The following DNAJC18 variants were observed in gnomAD, a reference collection of about 807,000 sequenced individuals.
DNAJC18 encodes dnaJ homolog subfamily C member 18.
Under a neutral mutation model 48.6 loss-of-function variants are expected in DNAJC18, and 40 were observed. That is an observed-to-expected ratio of 0.82 (90% CI 0.64 to 1.07). The LOEUF is 1.07. Among genes scored for constraint, DNAJC18 ranks in the 50% least tolerant of loss-of-function variants. The pLI, the probability that DNAJC18 is intolerant of heterozygous loss-of-function variation, is 0.00. For synonymous variants in DNAJC18, 135 were observed against 152.2 expected (o/e 0.89, Z 0.83); for missense variants, 340 against 427.7 (o/e 0.79, Z 1.81).
intron 2 of DNAJC18, among the ~76,000 whole-genome samples, chr5:139,436,419 G>A (rs529637203): frequency 3.3e-5 from 5 of 150,252 alleles, no homozygotes; most frequent in Admixed American, 6.6e-5. Context: ...TCAGTAATTT[G>A]TGTCTTTCTA....
intron 7 of DNAJC18, among the ~76,000 whole-genome samples, chr5:139,416,013 T>C (rs1759064327): frequency 6.6e-6 from 1 of 152,090 alleles, no homozygotes; most frequent in Non-Finnish European, 1.5e-5. Context: ...TTTCATAAAG[T>C]TCACTGAAAC....
chr5:139,423,174 T>C (rs967187721), intron 5 of DNAJC18, among the ~76,000 whole-genome samples: 3 of 152,112 alleles, frequency 2.0e-5, no homozygotes, highest in Admixed American at 2.0e-4. Flanking sequence ...GAAAATAAGA[T>C]AGTTGCTCCA....
At chr5:139,415,977 T>C (rs1451440254) in intron 7 of DNAJC18, among the ~76,000 whole-genome samples, 1 of 152,206 alleles carries the variant, frequency 6.6e-6, no homozygotes, top group African/African-American at 2.4e-5. Context: ...GAAAGATAAC[T>C]GCTTTTCTCA....
intron 1 of DNAJC18, among the ~76,000 whole-genome samples, chr5:139,438,606 C>T (rs894845421): frequency 2.6e-5 from 4 of 152,174 alleles, no homozygotes; most frequent in Non-Finnish European, 5.9e-5. Context: ...TTAACAACAT[C>T]TTTCTTCCGC....
chr5:139,436,657 T>C (rs1034866518), intron 2 of DNAJC18, among the ~76,000 whole-genome samples: 4 of 151,464 alleles, frequency 2.6e-5, no homozygotes, highest in Non-Finnish European at 5.9e-5. Flanking sequence ...GTTGGTGCCA[T>C]CATACCAAGC....
At chr5:139,431,059 AG>A (rs1759323287) in intron 2 of DNAJC18, among the ~76,000 whole-genome samples, 1 of 152,144 alleles carries the variant, frequency 6.6e-6, no homozygotes, top group Non-Finnish European at 1.5e-5. Flanking sequence ...ACTCTAATGC[AG>A]GGTCTGGGCT....
In DNAJC18 at chr5:139,439,109, G is replaced by C. The variant is rs1750739552; in HGVS notation, c.40+297C>G. Among the ~76,000 whole-genome samples, 1 of 152,140 alleles carries C rather than the reference G, an allele frequency of 6.6e-6. No individual in the cohort carries two copies. The highest frequency in any genetic ancestry group is 1.5e-5 in the Non-Finnish European group (1 of 68,018). On this transcript the variant is annotated intron_variant, in intron 1 of 7. Transcript: ENST00000302060. This position sits in a 1 kb window ranked among gnomAD's most constrained non-coding sequence, Gnocchi z 4.1. Reference sequence around the variant, plus strand: ...CTGCGGAGAGACCGCAGCACCCCACGGGCCCTCCAGTCACCTTGGCATGGG... The same window carrying C: ...CTGCGGAGAGACCGCAGCACCCCACCGGCCCTCCAGTCACCTTGGCATGGG...
At chr5:139,420,387 AG>A in intron 6 of DNAJC18, 162 bp from the exon 7 acceptor site, 1 of 656,468 alleles carries the variant, frequency 1.5e-6, no homozygotes, top group South Asian at 2.4e-5. Flanking sequence ...CAAAGTTGTA[AG>A]TATAACATCA....
At chr5:139,423,435 G>T (rs922672688) in intron 5 of DNAJC18, among the ~76,000 whole-genome samples, 4 of 150,590 alleles carry the variant, frequency 2.7e-5, no homozygotes, top group African/African-American at 9.8e-5. Context: ...TGTCACCCAG[G>T]CTAGAGTACA....
intron 2 of DNAJC18, among the ~76,000 whole-genome samples, chr5:139,437,056 A>G (rs967206818): frequency 6.6e-6 from 1 of 152,204 alleles, no homozygotes; most frequent in African/African-American, 2.4e-5. Context: ...GACCTAAGAT[A>G]TGGTCTATCC....
At chr5:139,418,701 G>T (rs1315134461) in intron 7 of DNAJC18, 1 of 455,842 alleles carries the variant, frequency 2.2e-6, no homozygotes, top group East Asian at 6.9e-5. Context: ...GTCCCTAAGG[G>T]TGAGCTAGGA....
rs1056853259 is a variant in DNAJC18 at position 139,413,899 on chromosome 5, G to A, written c.*249C>T. On this transcript the variant is annotated 3_prime_UTR_variant, in exon 8 of 8. Transcript: ENST00000302060. ...CAGGGTAGGCATGGAGCAGGGAGAC[G>A]GAATCCAATGCCTTGCCATTAATTT... 1.5e-5 allele frequency: 7 copies of A among 463,288 alleles called. No individual in the cohort carries two copies. Among genetic ancestry groups the A allele is most frequent in the African/African-American group, 4.0e-5 (2 of 49,514 alleles). The allele number at this position is 463,288 out of a possible 1,614,324, so 28.7% of individuals were successfully genotyped here. A position where few individuals can be genotyped will look rare whatever the true frequency, so the allele number is the denominator to read the frequency against.
intron 7 of DNAJC18, chr5:139,418,915 G>C: frequency 2.2e-6 from 1 of 453,976 alleles, no homozygotes; most frequent in East Asian, 7.0e-5. Context: ...TATATCCCTG[G>C]AACTCTAACA....
intron 2 of DNAJC18, among the ~76,000 whole-genome samples, chr5:139,433,619 A>G (rs554601413): frequency 6.6e-6 from 1 of 152,304 alleles, no homozygotes; most frequent in African/African-American, 2.4e-5. Flanking sequence ...CTACAAAATT[A>G]TTACAGTAGT....
intron 7 of DNAJC18, chr5:139,419,286 T>C: frequency 1.6e-5 from 6 of 376,742 alleles, no homozygotes; most frequent in South Asian, 1.0e-4. Flanking sequence ...AGCTGTTGGC[T>C]GAGACGGGGC....
chr5:139,425,060 C>T lies in DNAJC18; in HGVS notation c.614G>A (p.Arg205Gln), dbSNP rs144799319. ...AGTCTGTGTCCTCTCATGTCGGTGC[C>T]GTCGACGGTAATAGTAAGTGTCATC... ...VTDDTYYYRR[R>Q]HRHERTQTQK... is the part of the protein sequence containing the mutation. Residue 205 changes from arginine to glutamine, a missense_variant, in exon 5 of 8, where the codon CGG becomes CAG. Physicochemically the swap from Arg to Gln is conservative, Grantham distance 43. Transcript: ENST00000302060. 27 of 1,613,152 alleles carry T rather than the reference C, an allele frequency of 1.7e-5. No homozygotes were observed. The highest frequency in any genetic ancestry group is 3.3e-4 in the Middle Eastern group (2 of 6,084).
At chr5:139,422,268 G>C (rs1025915264) in intron 6 of DNAJC18, among the ~76,000 whole-genome samples, 1 of 152,026 alleles carries the variant, frequency 6.6e-6, no homozygotes, top group Non-Finnish European at 1.5e-5. Context: ...GCATTACAAG[G>C]AATTTCTCTA....
At chr5:139,431,697 AT>A (rs1759332129) in intron 2 of DNAJC18, among the ~76,000 whole-genome samples, 1 of 152,186 alleles carries the variant, frequency 6.6e-6, no homozygotes, top group African/African-American at 2.4e-5. Context: ...GTATATTTAT[AT>A]TTCTCTTGGA....
chr5:139,418,700 G>A (rs1759105605), intron 7 of DNAJC18: 1 of 455,736 alleles, frequency 2.2e-6, no homozygotes, highest in Admixed American at 2.4e-5. Context: ...GGTCCCTAAG[G>A]GTGAGCTAGG....
Sources: allele counts gnomAD v4.1 joint callset (sites outside exome capture counted in the v4.1 genomes callset), GRCh38; gene constraint gnomAD v4.1.1; non-coding constraint Gnocchi (gnomAD v3.1); transcripts MANE v1.5; gene names NCBI Gene and HGNC (gene_info 2026-07-23, HGNC 2026-07-21).